PAK2: variants seen among roughly 807,000 people sequenced by gnomAD.
PAK2 encodes the protein serine/threonine-protein kinase PAK 2.
Under a neutral mutation model 65.9 loss-of-function variants are expected in PAK2, and 21 were observed. That is an observed-to-expected ratio of 0.32 (90% CI 0.23 to 0.46). The LOEUF is 0.46. PAK2 is among the 20% of genes least tolerant of loss of function. The pLI is 1.00. For missense variants in PAK2, 324 were observed against 642.6 expected (o/e 0.50, Z 5.36); for synonymous variants, 204 against 219.7 (o/e 0.93, Z 0.63).
At chr3:196,779,900 A>G (rs1714651099) in intron 1 of PAK2, among the ~76,000 whole-genome samples, 1 of 152,070 alleles carries the variant, frequency 6.6e-6, no homozygotes, top group South Asian at 2.1e-4. Flanking sequence ...CGAACTCATG[A>G]CCCCAAGCAA....
intron 2 of PAK2, among the ~76,000 whole-genome samples, chr3:196,796,831 G>A (rs1004464467): frequency 6.6e-6 from 1 of 152,160 alleles, no homozygotes; most frequent in African/African-American, 2.4e-5. Context: ...AATACTATCA[G>A]TGATAATAAG....
Position 196,821,055 on chromosome 3 carries a change from G to A in PAK2, c.1350+488G>A, listed in dbSNP as rs7650461. Among the ~76,000 whole-genome samples the A allele has an allele frequency of 4.3e-3, 657 of 152,144 alleles. 5 individuals carry two copies. Among genetic ancestry groups the A allele is most frequent in the African/African-American group, 0.015 (635 of 41,506 alleles). On this transcript the variant is annotated intron_variant, in intron 13 of 14. Transcript: ENST00000327134. ...GGGTCTCTCCATGTTGGGTCAGGCT[G>A]GTCTCAAATTCTTGACCTCAGTTGA...
chr3:196,788,615 T>A (rs1714972577), intron 2 of PAK2, among the ~76,000 whole-genome samples: 1 of 152,108 alleles, frequency 6.6e-6, no homozygotes, highest in Non-Finnish European at 1.5e-5. Flanking sequence ...TCTCAAACCA[T>A]GGTATAGAAT....
In PAK2 at chr3:196,751,674, C is replaced by CATATATATATATATATAT. The variant is rs149522539; in HGVS notation, c.-22+11521_-22+11538dup. ...AAAAACACACAAATTTATTTATATA[C>CATATATATATATATATAT]ATATATATATATATATATATAATTC... is the stretch of plus-strand genomic sequence containing the variant. On this transcript the variant is annotated intron_variant, in intron 1 of 14. Coordinates refer to ENST00000327134, the MANE Select transcript of PAK2 (RefSeq NM_002577.4). Among the ~76,000 whole-genome samples, 246 of 71,766 alleles carry CATATATATATATATATAT rather than the reference C, an allele frequency of 3.4e-3. 9 individuals carry two copies. Among genetic ancestry groups the CATATATATATATATATAT allele is most frequent in the Middle Eastern group, 0.014 (2 of 146 alleles). The allele number at this position is 71,766 out of a possible 152,430, so 47.1% of individuals were successfully genotyped here.
At position 196,814,499 on chromosome 3, in the gene PAK2, G is replaced by A. The variant is rs774566656; in HGVS notation, c.984G>A (p.Gly328=). 4 of 1,554,028 alleles carry A rather than the reference G, an allele frequency of 2.6e-6. No homozygotes were observed. The highest frequency in any genetic ancestry group is 1.1e-5 in the South Asian group (1 of 87,404). The change falls in exon 11 of 15, where the codon GGG becomes GGA. Residue 328 remains glycine, a synonymous_variant. Transcript: ENST00000327134. ...ELFVVMEYLA[G]GSLTDVVTET... ...TTGTGGTCATGGAATACCTTGCTGG[G>A]GGGTCACTCACTGATGTGGTAACAG...
intron 13 of PAK2, among the ~76,000 whole-genome samples, chr3:196,826,624 T>G (rs1341939475): frequency 6.6e-6 from 1 of 152,096 alleles, no homozygotes; most frequent in Non-Finnish European, 1.5e-5. Flanking sequence ...ATTGTTTTAT[T>G]TTTTAAAGCA....
At chr3:196,741,573 G>T (rs185589939) in intron 1 of PAK2, among the ~76,000 whole-genome samples, 2 of 152,322 alleles carry the variant, frequency 1.3e-5, no homozygotes, top group African/African-American at 4.8e-5. Flanking sequence ...TGTAATAGAT[G>T]TAGGTCTTAA....
chr3:196,747,768 A>G (rs189881349), intron 1 of PAK2, among the ~76,000 whole-genome samples: 1 of 152,328 alleles, frequency 6.6e-6, no homozygotes, highest in African/African-American at 2.4e-5. Context: ...TATTAGTCCT[A>G]GTAAGAACTA....
intron 14 of PAK2, 134 bp downstream of exon 14, chr3:196,827,467 G>T: frequency 6.7e-7 from 1 of 1,485,180 alleles, no homozygotes. Context: ...GCAATTTAGG[G>T]TTTCATCCTA....
chr3:196,769,190 G>A (rs1714279607), intron 1 of PAK2, among the ~76,000 whole-genome samples: 2 of 151,876 alleles, frequency 1.3e-5, no homozygotes, highest in Non-Finnish European at 1.5e-5. Flanking sequence ...AGCTGGGCGT[G>A]ATGGTGCACG....
At chr3:196,803,642 A>G (rs1715486635) in intron 4 of PAK2, among the ~76,000 whole-genome samples, 2 of 152,254 alleles carry the variant, frequency 1.3e-5, no homozygotes, top group East Asian at 1.9e-4. Flanking sequence ...ATTTTAATAT[A>G]TAAAACAGAT....
chr3:196,823,114 A>G (rs1481640549), intron 13 of PAK2, among the ~76,000 whole-genome samples: 1 of 152,126 alleles, frequency 6.6e-6, no homozygotes, highest in African/African-American at 2.4e-5. Context: ...GAGATCCCTG[A>G]GGAAGGCAAA....
intron 2 of PAK2, among the ~76,000 whole-genome samples, chr3:196,794,869 T>C (rs1417245601): frequency 3.3e-5 from 5 of 152,120 alleles, no homozygotes; most frequent in African/African-American, 1.2e-4. Context: ...TGCACTCTGC[T>C]AGAACCCAGG....
intron 1 of PAK2, among the ~76,000 whole-genome samples, chr3:196,756,956 G>T (rs1713790227): frequency 6.6e-6 from 1 of 152,246 alleles, no homozygotes; most frequent in Admixed American, 6.5e-5. Flanking sequence ...GCTCCTCGCA[G>T]ATGGAACAAT....
At chr3:196,769,033 A>G (rs898689331) in intron 1 of PAK2, among the ~76,000 whole-genome samples, 4 of 151,858 alleles carry the variant, frequency 2.6e-5, no homozygotes, top group Non-Finnish European at 4.4e-5. Context: ...TTTGATGTAA[A>G]CATTCAGAGC....
At chr3:196,794,487 A>G (rs1715181828) in intron 2 of PAK2, among the ~76,000 whole-genome samples, 1 of 152,200 alleles carries the variant, frequency 6.6e-6, no homozygotes, top group Non-Finnish European at 1.5e-5. Context: ...CCTGGCGCCA[A>G]GTGTGGGAAA....
intron 1 of PAK2, among the ~76,000 whole-genome samples, chr3:196,766,426 G>A (rs1714171828): frequency 6.6e-6 from 1 of 152,172 alleles, no homozygotes; most frequent in Non-Finnish European, 1.5e-5. Context: ...CTCTAAAGAT[G>A]TAAGAACAGA....
chr3:196,825,961 A>C (rs998839410), intron 13 of PAK2, among the ~76,000 whole-genome samples: 1 of 151,862 alleles, frequency 6.6e-6, no homozygotes, highest in Admixed American at 6.6e-5. Context: ...CTCCTGCCTC[A>C]GCCTCCCGAG....
intron 10 of PAK2, among the ~76,000 whole-genome samples, chr3:196,813,916 C>T (rs1715909228): frequency 1.3e-5 from 2 of 152,272 alleles, no homozygotes; most frequent in East Asian, 1.9e-4. Context: ...CGCCACTGCA[C>T]TCCAGCCTGG....
Sources: allele counts gnomAD v4.1 joint callset (sites outside exome capture counted in the v4.1 genomes callset), GRCh38; gene constraint gnomAD v4.1.1; transcripts MANE v1.5; gene names NCBI Gene and HGNC (gene_info 2026-07-23, HGNC 2026-07-21).